Variants in DYNC2H1 observed in about 807,000 individuals in gnomAD.
The protein encoded by DYNC2H1 is dynein cytoplasmic 2 heavy chain 1.
A neutral mutation model predicts 570.0 loss-of-function variants in DYNC2H1; 410 were observed. The observed-to-expected ratio is 0.72, with a 90% confidence interval of 0.66 to 0.78. The LOEUF is 0.78. Among genes scored for constraint, DYNC2H1 ranks in the 30% least tolerant of loss-of-function variants. The pLI is 0.00. For missense variants in DYNC2H1, 4,865 were observed against 5,046.4 expected (o/e 0.96, Z 1.09); for synonymous variants, 1,688 against 1,677.6 (o/e 1.01, Z -0.15).
chr11:103,189,900 C>T lies in DYNC2H1; in HGVS notation c.7437+84C>T. On this transcript the variant is annotated intron_variant, in intron 45 of 88. Coordinates refer to ENST00000375735, the MANE Select transcript of DYNC2H1 (RefSeq NM_001377.3). The surrounding 1 kb of genome is among the most constrained non-coding windows in gnomAD (Gnocchi z 4.3). ...CTTTTAATTCTGACCTCTGTGTTGA[C>T]ACCCAGGCTTTACTTTCCTGTTTAT... 2 of 1,373,132 alleles carry T rather than the reference C, an allele frequency of 1.5e-6. No homozygotes were observed. Among genetic ancestry groups the T allele is most frequent in the Non-Finnish European group, 2.0e-6 (2 of 1,023,274 alleles). 85.1% of individuals were successfully genotyped at this position (1,373,132 alleles called of 1,614,324 possible). A position where few individuals can be genotyped will look rare whatever the true frequency, so the allele number is the denominator to read the frequency against.
At chr11:103,267,061 C>A (rs1865537060) in intron 70 of DYNC2H1, among the ~76,000 whole-genome samples, 1 of 152,182 alleles carries the variant, frequency 6.6e-6, no homozygotes, top group South Asian at 2.1e-4. Flanking sequence ...AAGCCCCTCT[C>A]CCTGCCAACT....
At chr11:103,313,415 A>G (rs147951953) in intron 79 of DYNC2H1, among the ~76,000 whole-genome samples, 1 of 152,188 alleles carries the variant, frequency 6.6e-6, no homozygotes, top group Non-Finnish European at 1.5e-5. Context: ...TCTCAGCTGT[A>G]AATTGCATCA....
At chr11:103,349,297 A>C (rs1220992652) in intron 82 of DYNC2H1, among the ~76,000 whole-genome samples, 1 of 152,218 alleles carries the variant, frequency 6.6e-6, no homozygotes, top group Non-Finnish European at 1.5e-5. Context: ...ATTTTAAAAA[A>C]TAAATAGATG....
chr11:103,438,372 G>C lies in DYNC2H1; in HGVS notation c.12456+2340G>C, dbSNP rs906518789. ...TATCCAGAGCAGCTTGTGATACTTG[G>C]AGAGCAATGTAACTACCTATTTGGA... On this transcript the variant is annotated intron_variant, in intron 85 of 88. Coordinates refer to ENST00000375735, the MANE Select transcript of DYNC2H1 (RefSeq NM_001377.3). Among the ~76,000 whole-genome samples the C allele has an allele frequency of 2.6e-5, 4 of 152,180 alleles. No individual in the cohort carries two copies. The East Asian group carries it at 7.7e-4, about 29-fold the overall frequency.
chr11:103,229,276 T>C (rs1863915415), intron 59 of DYNC2H1, among the ~76,000 whole-genome samples: 1 of 152,206 alleles, frequency 6.6e-6, no homozygotes, highest in Non-Finnish European at 1.5e-5. Flanking sequence ...AGTATGTTCC[T>C]GCAGTAGTTC....
chr11:103,145,374 T>G lies in DYNC2H1; in HGVS notation c.2702+1979T>G, dbSNP rs1243795829. Among the ~76,000 whole-genome samples the G allele has an allele frequency of 6.6e-6, 1 of 152,098 alleles. No homozygotes were observed. Among genetic ancestry groups the G allele is most frequent in the Non-Finnish European group, 1.5e-5 (1 of 67,994 alleles). On this transcript the variant is annotated intron_variant, in intron 18 of 88. Transcript: ENST00000375735. The surrounding 1 kb of genome is among the most constrained non-coding windows in gnomAD (Gnocchi z 4.2). ...TTAGTTTAAAGTAAGGAAAAGATAG[T>G]GCTTTTGTAGTGCTTGCACATGGGG...
rs1055353556 is a variant in DYNC2H1 at position 103,354,838 on chromosome 11, A to T, written c.12040-3405A>T. ...TTTTTTTTTTCCTCAATGTTCTCCA[A>T]TTACATTGTGCAGTACCAGATGATT... On this transcript the variant is annotated intron_variant, in intron 82 of 88. Transcript: ENST00000375735. Among the ~76,000 whole-genome samples the T allele has an allele frequency of 4.7e-5, 7 of 147,862 alleles. No homozygotes were observed. The Admixed American group carries it at 4.7e-4, about 10-fold the overall frequency.
Position 103,154,617 on chromosome 11 carries a change from A to C in DYNC2H1, c.3458+11A>C, listed in dbSNP as rs1249730457. The C allele has an allele frequency of 3.8e-6, 6 of 1,585,560 alleles. No homozygotes were observed. The highest frequency in any genetic ancestry group is 5.1e-6 in the Non-Finnish European group (6 of 1,168,378). ...CTGGATCACTTTTCGGTTTGATTCA[A>C]AAACAATATTTAGACTAATAATTTG... is the stretch of plus-strand genomic sequence containing the variant. On this transcript the variant is annotated intron_variant, in intron 23 of 88. Coordinates refer to ENST00000375735, the MANE Select transcript of DYNC2H1 (RefSeq NM_001377.3).
intron 65 of DYNC2H1, among the ~76,000 whole-genome samples, chr11:103,250,572 T>A (rs1864791826): frequency 6.6e-6 from 1 of 152,164 alleles, no homozygotes; most frequent in African/African-American, 2.4e-5. Context: ...CAACTTTTAA[T>A]GTTGATTTTC....
intron 83 of DYNC2H1, among the ~76,000 whole-genome samples, chr11:103,370,158 G>A (rs551787179): frequency 6.6e-6 from 1 of 152,316 alleles, no homozygotes; most frequent in East Asian, 1.9e-4. Context: ...GGGCCTTAAG[G>A]GAATATCAGT....
intron 17 of DYNC2H1, among the ~76,000 whole-genome samples, chr11:103,136,576 T>C (rs1859568318): frequency 6.6e-6 from 1 of 152,204 alleles, no homozygotes; most frequent in South Asian, 2.1e-4. Flanking sequence ...TATGGCTGCA[T>C]AGTATTCCAT....
At position 103,266,651 on chromosome 11, in the gene DYNC2H1, G is replaced by T. The variant is rs144637072; in HGVS notation, c.10695+6674G>T. Among the ~76,000 whole-genome samples the T allele has an allele frequency of 1.5e-4, 23 of 152,316 alleles. No individual in the cohort carries two copies. In the East Asian group the frequency reaches 4.1e-3, roughly 27 times the overall value. On this transcript the variant is annotated intron_variant, in intron 70 of 88. Coordinates refer to ENST00000375735, the MANE Select transcript of DYNC2H1 (RefSeq NM_001377.3). Reference sequence around the variant, plus strand: ...ATGCATACATGCACCGCAAAGATGTGTGGAGTTGCTGTGGATCGTGGGGAA... The same window carrying T: ...ATGCATACATGCACCGCAAAGATGTTTGGAGTTGCTGTGGATCGTGGGGAA...
intron 20 of DYNC2H1, 120 bp downstream of exon 20, chr11:103,148,737 A>C (rs886742133): frequency 2.4e-6 from 3 of 1,268,288 alleles, no homozygotes; most frequent in Non-Finnish European, 2.1e-6. Context: ...GGAGGTCCAC[A>C]ATAGTCTGGC....
intron 76 of DYNC2H1, among the ~76,000 whole-genome samples, chr11:103,303,715 G>A (rs542601149): frequency 2.2e-4 from 33 of 152,216 alleles, no homozygotes; most frequent in Non-Finnish European, 4.4e-4. Context: ...TAGCCCTATA[G>A]TAGTACCTTT....
Position 103,256,212 on chromosome 11 carries a change from C to G in DYNC2H1, c.10433C>G (p.Ser3478Cys), listed in dbSNP as rs372499560. The change falls in exon 68 of 89, where the codon TCT (serine) becomes TGT (cysteine). Residue 3478 changes from serine (S) to cysteine (C), a missense_variant. Around this residue, in one of 5 missense-constraint regions of DYNC2H1, gnomAD observed 2,401 missense variants for 2,454.6 expected, o/e 0.98. Coordinates refer to ENST00000375735, the MANE Select transcript of DYNC2H1 (RefSeq NM_001377.3). This position sits in a 1 kb window ranked among gnomAD's most constrained non-coding sequence, Gnocchi z 4.0. Reference sequence around the variant, plus strand: ...CTTATTCAAGAGTCACTTAAAGAATCTTACAAACTCCAAATTTCCCTTGAT... The same window carrying G: ...CTTATTCAAGAGTCACTTAAAGAATGTTACAAACTCCAAATTTCCCTTGAT... ...SALIQESLKESYKLQISLDQE... is the reference protein window; with the variant it reads ...SALIQESLKECYKLQISLDQE... The G allele has an allele frequency of 6.2e-7, 1 of 1,602,954 alleles. No homozygotes were observed. Among genetic ancestry groups the G allele is most frequent in the Non-Finnish European group, 8.5e-7 (1 of 1,175,822 alleles).
rs527826302 is a variant in DYNC2H1 at position 103,165,567 on chromosome 11, A to G, written c.4612-331A>G. ...TCATACTTTGATATCTTTGTAGTTT[A>G]CTGGTTGAAAAGAAGCCATTTCTGA... On this transcript the variant is annotated intron_variant, in intron 30 of 88. Coordinates refer to ENST00000375735, the MANE Select transcript of DYNC2H1 (RefSeq NM_001377.3). Among the ~76,000 whole-genome samples the G allele has an allele frequency of 4.2e-4, 64 of 152,342 alleles. 1 individual carries two copies. Among genetic ancestry groups the G allele is most frequent in the African/African-American group, 1.5e-3 (64 of 41,590 alleles).
chr11:103,194,404 A>C (rs771031324), intron 47 of DYNC2H1, among the ~76,000 whole-genome samples: 1 of 152,128 alleles, frequency 6.6e-6, no homozygotes, highest in Non-Finnish European at 1.5e-5. Flanking sequence ...TTGTGTGAAC[A>C]TACATTTTTG....
At chr11:103,318,739 A>T (rs1938000538) in intron 80 of DYNC2H1, among the ~76,000 whole-genome samples, 1 of 152,110 alleles carries the variant, frequency 6.6e-6, no homozygotes, top group South Asian at 2.1e-4. Flanking sequence ...AAGATTTTTT[A>T]AAATTCTACA....
Position 103,194,867 on chromosome 11 carries a change from A to G in DYNC2H1, c.7708+2603A>G, listed in dbSNP as rs371350766. On this transcript the variant is annotated intron_variant, in intron 47 of 88. Transcript: ENST00000375735. Reference sequence around the variant, plus strand: ...CGAGTAGCTGGGATTACAGGCGTGCACCACCTCGCCCAGCTAATTTTTGTA... The same window carrying G: ...CGAGTAGCTGGGATTACAGGCGTGCGCCACCTCGCCCAGCTAATTTTTGTA... Among the ~76,000 whole-genome samples the G allele has an allele frequency of 1.8e-3, 278 of 151,826 alleles. 14 individuals are homozygous for G. In the South Asian group the frequency reaches 0.055, roughly 30 times the overall value.
Sources: allele counts gnomAD v4.1 joint callset (sites outside exome capture counted in the v4.1 genomes callset), GRCh38; gene constraint gnomAD v4.1.1; regional missense constraint gnomAD v4.1.1; non-coding constraint Gnocchi (gnomAD v3.1); transcripts MANE v1.5; gene names NCBI Gene and HGNC (gene_info 2026-07-23, HGNC 2026-07-21).